Variants in CD99 observed in about 807,000 individuals in gnomAD.
CD99 encodes the protein CD99 molecule (Xg blood group).
Under a neutral mutation model 28.4 loss-of-function variants are expected in CD99, and 19 were observed. The ratio of observed to expected loss-of-function variants is 0.67; its 90% CI spans 0.47 to 0.98. The LOEUF is 0.98. Among genes scored for constraint, CD99 ranks in the 50% least tolerant of loss-of-function variants. The pLI is 0.00. For missense variants in CD99, 283 were observed against 248.8 expected (o/e 1.14, Z -0.92); for synonymous variants, 103 against 92.1 (o/e 1.12, Z -0.67).
In CD99 at chrX:2,738,204, A is replaced by G. The variant is rs202132215; in HGVS notation, c.480A>G (p.Glu160=). 1.9e-6 allele frequency: 3 copies of G among 1,613,896 alleles called. No homozygotes were observed. In the East Asian group the frequency reaches 6.7e-5, roughly 36 times the overall value. Residue 160 remains glutamate, a synonymous_variant, in exon 9 of 10, where the codon GAA becomes GAG. Transcript: ENST00000381192. ...GTATTTTCTTCTTCTTTTCAGCAGAACAAGGGGAGGTGGACATGGAGAGCC... is the reference window on the plus strand; with the variant it reads ...GTATTTTCTTCTTCTTTTCAGCAGAGCAAGGGGAGGTGGACATGGAGAGCC... ...KKKLCFKENA[E]QGEVDMESHR... is the part of the protein sequence containing the mutation.
intron 7 of CD99, among the ~76,000 whole-genome samples, chrX:2,724,177 A>C (rs1166584452): frequency 6.6e-6 from 1 of 152,206 alleles, no homozygotes; most frequent in African/African-American, 2.4e-5. Flanking sequence ...AAAATAGCTA[A>C]GAAAACACAT....
intron 8 of CD99, among the ~76,000 whole-genome samples, chrX:2,729,078 C>T (rs1410151134): frequency 1.3e-5 from 2 of 152,116 alleles, no homozygotes; most frequent in Non-Finnish European, 2.9e-5. Context: ...TGGTTCCCCC[C>T]CGCAATCTTG....
chrX:2,738,048 G>T, intron 8 of CD99, 152 bp from the exon 9 acceptor site: 1 of 771,560 alleles, frequency 1.3e-6, no homozygotes, highest in Non-Finnish European at 2.4e-6. Flanking sequence ...TAGACTCCAT[G>T]TTCCCAGTGG....
intron 1 of CD99, among the ~76,000 whole-genome samples, chrX:2,708,819 C>T (rs311058): frequency 0.015 from 2,265 of 152,190 alleles, 65 homozygotes; most frequent in African/African-American, 0.053. Context: ...TGACGTCAGC[C>T]GTAGTCCTGA....
intron 8 of CD99, chrX:2,727,154 A>G (rs1196979230): frequency 7.3e-6 from 5 of 689,642 alleles, no homozygotes; most frequent in African/African-American, 5.4e-5. Flanking sequence ...AAAACAAAAC[A>G]AAAACCAGCA....
chrX:2,718,009 T>G (rs1411527563), intron 3 of CD99: 2 of 224,910 alleles, frequency 8.9e-6, no homozygotes, highest in African/African-American at 2.3e-5. Context: ...TGGTGTGATC[T>G]TGGCTCACTG....
chrX:2,716,652 C>G (rs1045943478), intron 2 of CD99, among the ~76,000 whole-genome samples: 1 of 152,218 alleles, frequency 6.6e-6, no homozygotes, highest in African/African-American at 2.4e-5. Context: ...CAGACACGAG[C>G]CACTGCACCT....
intron 2 of CD99, 84 bp downstream of exon 2, chrX:2,714,538 C>G (rs1272795242): frequency 8.3e-7 from 1 of 1,200,056 alleles, no homozygotes; most frequent in Non-Finnish European, 1.2e-6. Flanking sequence ...CCATTTCCAG[C>G]TAGGTTCTAG....
intron 9 of CD99, 57 bp downstream of exon 9, chrX:2,738,313 T>A (rs2050047761): frequency 6.7e-7 from 1 of 1,489,914 alleles, no homozygotes; most frequent in Non-Finnish European, 9.4e-7. Flanking sequence ...CATTTTATCT[T>A]CTCCATCCTC....
intron 2 of CD99, chrX:2,714,767 CAGGGTTGCTG>C: frequency 6.7e-6 from 2 of 299,538 alleles, no homozygotes. Flanking sequence ...TGGCTTGCCA[CAGGGTTGCTG>C]CAGGCCTTCC....
chrX:2,712,938 C>T (rs184786430), intron 1 of CD99, among the ~76,000 whole-genome samples: 89 of 152,088 alleles, frequency 5.9e-4, no homozygotes, highest in Middle Eastern at 3.4e-3. Context: ...CATATGCACA[C>T]GTGGAAACAC....
intron 7 of CD99, among the ~76,000 whole-genome samples, chrX:2,725,065 G>A (rs1306215038): frequency 5.0e-5 from 7 of 140,814 alleles, no homozygotes; most frequent in Non-Finnish European, 7.7e-5. Context: ...CTGTCTCCCC[G>A]CCAAAAAAAA....
rs1274430838 is a variant in CD99, at chrX:2,727,508, G to T, written c.475+1135G>T. 3.3e-5 allele frequency among the ~76,000 whole-genome samples: 5 copies of T among 152,108 alleles called. No homozygotes were observed. The East Asian group carries it at 9.7e-4, about 29-fold the overall frequency. ...TTTTTATTTCTTGAGACAGAGTTTC[G>T]CTCTGTTGCCCAGGCTGGAGTGCAG... On this transcript the variant is annotated intron_variant, in intron 8 of 9. Transcript: ENST00000381192.
chrX:2,738,320 CCT>C, intron 9 of CD99, 64 bp downstream of exon 9: 1 of 1,466,850 alleles, frequency 6.8e-7, no homozygotes, highest in Non-Finnish European at 9.6e-7. Flanking sequence ...TCTTCTCCAT[CCT>C]CTCCCATCTT....
chrX:2,719,523 T>A, intron 3 of CD99, 138 bp from the exon 4 acceptor site: 1 of 720,212 alleles, frequency 1.4e-6, no homozygotes, highest in Non-Finnish European at 2.5e-6. Context: ...CTTTTTCTAA[T>A]GAGATCCTGG....
chrX:2,716,254 T>C lies in CD99; in HGVS notation c.101-1351T>C, dbSNP rs6641999. ...GGCTGGTTTCGAACTCCTGACCTTG[T>C]GATCTGCCCGCCTTGGCCTCCCAAA... On this transcript the variant is annotated intron_variant, in intron 2 of 9. Transcript: ENST00000381192. Among the ~76,000 whole-genome samples, 3 of 152,298 alleles carry C rather than the reference T, an allele frequency of 2.0e-5. No individual in the cohort carries two copies. In the East Asian group the frequency reaches 5.8e-4, roughly 29 times the overall value.
chrX:2,722,638 G>T lies in CD99; in HGVS notation c.274G>T (p.Asp92Tyr). 6.2e-7 allele frequency: 1 copy of T among 1,613,972 alleles called. No homozygotes were observed. The highest frequency in any genetic ancestry group is 8.5e-7 in the Non-Finnish European group (1 of 1,179,860). The change falls in exon 6 of 10, where the codon GAT becomes TAT. Residue 92 changes from aspartate (D) to tyrosine (Y), a missense_variant. Coordinates refer to ENST00000381192, the MANE Select transcript of CD99 (RefSeq NM_002414.5). ...NHPSSSGSFS[D>Y]ADLADGVSGG... ...ATTTTCTTTCCTAGGTAGCTTTTCA[G>T]ATGCTGACCTTGCGGATGGCGTTTC...
intron 1 of CD99, among the ~76,000 whole-genome samples, chrX:2,710,057 C>T (rs1855314516): frequency 6.6e-6 from 1 of 152,334 alleles, no homozygotes; most frequent in South Asian, 2.1e-4. Flanking sequence ...TGCGATTTTG[C>T]AGCTGACATG....
intron 8 of CD99, among the ~76,000 whole-genome samples, chrX:2,728,201 T>C (rs2049394238): frequency 9.6e-6 from 1 of 104,270 alleles, no homozygotes; most frequent in East Asian, 2.6e-4. Flanking sequence ...TGGTTGTTTC[T>C]TTTTTTTTTT....
Sources: gnomAD v4.1 joint callset for allele counts (sites outside exome capture counted in the v4.1 genomes callset) on GRCh38, gnomAD v4.1.1 for gene constraint, MANE v1.5 for transcripts, NCBI Gene and HGNC (gene_info 2026-07-23, HGNC 2026-07-21) for gene names.